IQUB: variants seen among roughly 807,000 people sequenced by gnomAD.
IQUB encodes IQ motif and ubiquitin-like domain-containing protein.
IQUB carries 86 observed loss-of-function variants against 86.4 expected under a neutral mutation model. The observed-to-expected ratio is 1.00, with a 90% CI of 0.84 to 1.19. The LOEUF is 1.19. IQUB is among the 50% of genes most tolerant of loss of function. The pLI, the probability that IQUB is intolerant of heterozygous loss-of-function variation, is 0.00. For synonymous variants in IQUB, 289 were observed against 304.5 expected, an observed-to-expected ratio of 0.95 and a Z score of 0.53; for missense variants, 946 against 916.9, an observed-to-expected ratio of 1.03 and a Z score of -0.41.
intron 11 of IQUB, among the ~76,000 whole-genome samples, chr7:123,458,735 G>C (rs1037952652): frequency 7.9e-5 from 12 of 151,958 alleles, no homozygotes; most frequent in African/African-American, 2.7e-4. Flanking sequence ...AAGTGTGGTT[G>C]ACAGTCTCTA....
chr7:123,511,881 C>A (rs1471835899), intron 2 of IQUB, 63 bp downstream of exon 2: 32 of 1,287,384 alleles, frequency 2.5e-5, no homozygotes, highest in Admixed American at 4.7e-5. Context: ...AATAAGCCAA[C>A]AAGAAAACGC....
At position 123,512,061 on chromosome 7, in the gene IQUB, G is replaced by A. The variant is rs1796440149; in HGVS notation, c.280C>T (p.His94Tyr). 5.0e-6 allele frequency: 8 copies of A among 1,613,878 alleles called. No homozygotes were observed. The East Asian group carries it at 1.8e-4, about 36-fold the overall frequency. The change falls in exon 2 of 13, where the codon CAT becomes TAT. Residue 94 changes from histidine (H) to tyrosine (Y), a missense_variant. Physicochemically the swap from His to Tyr is moderately conservative, Grantham distance 83. Transcript: ENST00000324698. Reference protein sequence around the residue: ...SPRQVSYTPQHHEKQYAMQRP... With the variant: ...SPRQVSYTPQYHEKQYAMQRP... ...TGCATTGCATATTGCTTTTCATGAT[G>A]TTGCGGAGTATATGAAACTTGTCTT...
intron 1 of IQUB, among the ~76,000 whole-genome samples, chr7:123,513,116 TGAAACAGTA>T (rs1796500884): frequency 6.6e-6 from 1 of 152,136 alleles, no homozygotes; most frequent in Non-Finnish European, 1.5e-5. Context: ...TATGAAACCT[TGAAACAGTA>T]GTGAGGTGGA....
chr7:123,521,418 A>T (rs1005906894), intron 1 of IQUB, among the ~76,000 whole-genome samples: 1 of 152,104 alleles, frequency 6.6e-6, no homozygotes, highest in African/African-American at 2.4e-5. Context: ...CGAGGTGGTC[A>T]GATCTCTCGA....
chr7:123,527,366 G>A (rs1003901178), intron 1 of IQUB, among the ~76,000 whole-genome samples: 106 of 152,300 alleles, frequency 7.0e-4, no homozygotes, highest in African/African-American at 2.4e-3. Flanking sequence ...GAGGAACTGC[G>A]TTCCTCTGGA....
At chr7:123,482,450 A>C (rs2117089841) in intron 7 of IQUB, among the ~76,000 whole-genome samples, 1 of 152,202 alleles carries the variant, frequency 6.6e-6, no homozygotes, top group Middle Eastern at 3.4e-3. Context: ...AATGTTACAA[A>C]CTACATTTTT....
chr7:123,453,319 CAAAA>C (rs1194183475), intron 12 of IQUB, among the ~76,000 whole-genome samples: 1 of 140,786 alleles, frequency 7.1e-6, no homozygotes, highest in Non-Finnish European at 1.5e-5. Context: ...TGAGAAAAAA[CAAAA>C]ATAAAAACAA....
chr7:123,493,018 C>T (rs1795540456), intron 7 of IQUB, among the ~76,000 whole-genome samples: 1 of 152,118 alleles, frequency 6.6e-6, no homozygotes, highest in South Asian at 2.1e-4. Flanking sequence ...AACAAAGATA[C>T]ATCTCTGTTT....
chr7:123,503,153 C>A, intron 4 of IQUB, 37 bp from the exon 5 acceptor site: 1 of 1,607,864 alleles, frequency 6.2e-7, no homozygotes, highest in Non-Finnish European at 8.5e-7. Context: ...AAAGCTCAAC[C>A]AAGAAGGGAC....
chr7:123,534,270 A>T (rs1398989726), intron 1 of IQUB, among the ~76,000 whole-genome samples: 1 of 152,144 alleles, frequency 6.6e-6, no homozygotes, highest in East Asian at 1.9e-4. Flanking sequence ...TCAAGTCCCA[A>T]ATCAGAGAGG....
intron 1 of IQUB, among the ~76,000 whole-genome samples, chr7:123,522,854 T>G: frequency 1.4e-5 from 1 of 69,136 alleles, no homozygotes; most frequent in East Asian, 5.1e-4. Context: ...CCCTCCCCCC[T>G]CCCCCCACCC....
Position 123,469,389 on chromosome 7 carries a change from A to C in IQUB, c.1411-5T>G, listed in dbSNP as rs1177836723. 2 of 1,521,304 alleles carry C rather than the reference A, an allele frequency of 1.3e-6. No individual in the cohort carries two copies. The highest frequency in any genetic ancestry group is 1.8e-6 in the Non-Finnish European group (2 of 1,124,322). The allele number at this position is 1,521,304 out of a possible 1,614,324, so 94.2% of individuals were successfully genotyped here. ...CCATATTTTTGGAGCTGAACACTTAAAAATAATATTATGTTTATAATTATC... is the reference window on the plus strand; with the variant it reads ...CCATATTTTTGGAGCTGAACACTTACAAATAATATTATGTTTATAATTATC... On this transcript the variant is annotated splice_region_variant and splice_polypyrimidine_tract_variant and intron_variant, in intron 8 of 12. Transcript: ENST00000324698.
chr7:123,529,109 G>GA (rs911662221), intron 1 of IQUB, among the ~76,000 whole-genome samples: 5 of 151,154 alleles, frequency 3.3e-5, no homozygotes, highest in African/African-American at 4.9e-5. Context: ...GTGCTTACTA[G>GA]AAAAAAAACT....
rs1175412196 is a variant in IQUB at position 123,511,460 on chromosome 7, T to C, written c.397+484A>G. Among the ~76,000 whole-genome samples, 4 of 152,202 alleles carry C rather than the reference T, an allele frequency of 2.6e-5. No homozygotes were observed. In the East Asian group the frequency reaches 7.7e-4, roughly 29 times the overall value. ...ACAATGATTTTTCTGAAGGAAAATA[T>C]AAGTTAACACTAAACAGACTATAGA... On this transcript the variant is annotated intron_variant, in intron 2 of 12. Transcript: ENST00000324698.
chr7:123,453,000 G>T, intron 12 of IQUB, 75 bp from the exon 13 acceptor site: 1 of 1,116,460 alleles, frequency 9.0e-7, no homozygotes, highest in Non-Finnish European at 1.3e-6. Context: ...TCATGCCTCG[G>T]TGCCTTTGCT....
intron 11 of IQUB, among the ~76,000 whole-genome samples, chr7:123,460,689 T>G (rs139979274): frequency 0.012 from 1,877 of 152,056 alleles, 35 homozygotes; most frequent in African/African-American, 0.042. Flanking sequence ...GAATTTGTTT[T>G]TATTTTGTAG....
At chr7:123,502,431 A>G in intron 6 of IQUB, 166 bp downstream of exon 6, 1 of 604,770 alleles carries the variant, frequency 1.7e-6, no homozygotes, top group East Asian at 2.9e-5. Context: ...GGTTCTTTAC[A>G]TGGGGGAATA....
At chr7:123,521,862 A>G (rs2117324200) in intron 1 of IQUB, among the ~76,000 whole-genome samples, 1 of 152,234 alleles carries the variant, frequency 6.6e-6, no homozygotes, top group Non-Finnish European at 1.5e-5. Flanking sequence ...CATTTATTCA[A>G]CCTAAAAATA....
intron 7 of IQUB, among the ~76,000 whole-genome samples, chr7:123,492,616 G>C (rs777278585): frequency 1.3e-5 from 2 of 152,176 alleles, no homozygotes; most frequent in African/African-American, 4.8e-5. Context: ...CTGCCTGAGC[G>C]GGGAAAGGGT....
Sources: allele counts gnomAD v4.1 joint callset (sites outside exome capture counted in the v4.1 genomes callset), GRCh38; gene constraint gnomAD v4.1.1; transcripts MANE v1.5; gene names NCBI Gene and HGNC (gene_info 2026-07-23, HGNC 2026-07-21).